The following MRPS27 variants were observed in gnomAD, a reference collection of about 807,000 sequenced individuals.
MRPS27 encodes small ribosomal subunit protein mS27.
MRPS27 carries 43 observed loss-of-function variants against 48.9 expected under a neutral mutation model. The observed-to-expected ratio is 0.88, with a 90% CI of 0.69 to 1.13. The LOEUF (loss-of-function observed/expected upper bound fraction) is 1.13. MRPS27 is among the 50% of genes most tolerant of loss of function. The pLI is 0.00. For missense variants in MRPS27, 467 were observed against 476.3 expected (o/e 0.98, Z 0.18); for synonymous variants, 188 against 171.9 (o/e 1.09, Z -0.73).
intron 4 of MRPS27, among the ~76,000 whole-genome samples, chr5:72,279,698 A>C (rs565190756): frequency 1.5e-3 from 235 of 152,290 alleles, no homozygotes; most frequent in African/African-American, 5.2e-3. Flanking sequence ...ACAAAACCCC[A>C]AAAACAATTA....
chr5:72,235,943 G>T (rs114780102), intron 5 of MRPS27, among the ~76,000 whole-genome samples: 2 of 152,112 alleles, frequency 1.3e-5, no homozygotes, highest in Admixed American at 6.6e-5. Flanking sequence ...ATACTATTCA[G>T]TAAGGCCATA....
intron 4 of MRPS27, among the ~76,000 whole-genome samples, chr5:72,243,758 T>C (rs902120825): frequency 1.3e-5 from 2 of 152,168 alleles, no homozygotes; most frequent in Non-Finnish European, 2.9e-5. Context: ...CAGATAAAAA[T>C]GTCTTTCTTT....
chr5:72,220,912 G>C lies in MRPS27; in HGVS notation c.1242C>G (p.Ala414=), dbSNP rs199795254. Residue 414 remains alanine, a synonymous_variant, in exon 11 of 11, where the codon GCC becomes GCG. Coordinates refer to ENST00000261413, the MANE Select transcript of MRPS27 (RefSeq NM_015084.3). Reference sequence around the variant, plus strand: ...GGTGGGGCCCTGGGGGACCCTATTAGGCAGATGCCTTTGCTGCTTTCTGAG... The same window carrying C: ...GGTGGGGCCCTGGGGGACCCTATTACGCAGATGCCTTTGCTGCTTTCTGAG... ...YQAQKAAKAS[A] 14 of 1,614,002 alleles carry C rather than the reference G, an allele frequency of 8.7e-6. No homozygotes were observed. Among genetic ancestry groups the C allele is most frequent in the Middle Eastern group, 1.6e-4 (1 of 6,078 alleles).
intron 3 of MRPS27, 71 bp from the exon 4 acceptor site, chr5:72,295,660 A>G (rs1749958780): frequency 8.6e-7 from 1 of 1,158,156 alleles, no homozygotes; most frequent in East Asian, 2.4e-5. Context: ...GGCCTAGATC[A>G]CACATTGACC....
intron 4 of MRPS27, among the ~76,000 whole-genome samples, chr5:72,258,204 C>T (rs1022896417): frequency 6.6e-6 from 1 of 151,892 alleles, no homozygotes; most frequent in Non-Finnish European, 1.5e-5. Flanking sequence ...CAAACAAATG[C>T]TCTGCCCAGG....
At chr5:72,277,264 G>T (rs1749401765) in intron 4 of MRPS27, among the ~76,000 whole-genome samples, 1 of 152,084 alleles carries the variant, frequency 6.6e-6, no homozygotes, top group Non-Finnish European at 1.5e-5. Flanking sequence ...CACTGTTGAT[G>T]GGAATATAAA....
chr5:72,306,287 A>C (rs2112079129), intron 2 of MRPS27, among the ~76,000 whole-genome samples: 1 of 152,382 alleles, frequency 6.6e-6, no homozygotes, highest in South Asian at 2.1e-4. Flanking sequence ...TGAAATAACA[A>C]ATCTAAGTAA....
At chr5:72,284,875 C>T (rs1749631149) in intron 4 of MRPS27, among the ~76,000 whole-genome samples, 1 of 152,150 alleles carries the variant, frequency 6.6e-6, no homozygotes, top group African/African-American at 2.4e-5. Context: ...CACTGTACAG[C>T]TGTAGAATAA....
At chr5:72,272,332 T>A (rs545271395) in intron 4 of MRPS27, among the ~76,000 whole-genome samples, 29 of 152,230 alleles carry the variant, frequency 1.9e-4, no homozygotes, top group Non-Finnish European at 3.8e-4. Context: ...TTCCCACCAT[T>A]CCTTAAAACT....
At chr5:72,296,097 T>C (rs1366020189) in intron 3 of MRPS27, among the ~76,000 whole-genome samples, 1 of 152,202 alleles carries the variant, frequency 6.6e-6, no homozygotes, top group East Asian at 1.9e-4. Flanking sequence ...AGTAAACCTA[T>C]GATTCCTTTA....
chr5:72,224,112 C>T (rs983712307), intron 9 of MRPS27, among the ~76,000 whole-genome samples: 4 of 151,878 alleles, frequency 2.6e-5, no homozygotes, highest in Non-Finnish European at 4.4e-5. Flanking sequence ...CCTGTAATTT[C>T]AGCACTTTGG....
intron 4 of MRPS27, among the ~76,000 whole-genome samples, chr5:72,244,898 T>C (rs555203744): frequency 2.0e-5 from 3 of 152,102 alleles, no homozygotes; most frequent in Non-Finnish European, 4.4e-5. Flanking sequence ...TCTCTTACTT[T>C]CATGGTACAT....
chr5:72,240,945 C>T (rs1243957182), intron 4 of MRPS27, among the ~76,000 whole-genome samples: 6 of 152,238 alleles, frequency 3.9e-5, no homozygotes, highest in African/African-American at 1.4e-4. Flanking sequence ...TCTACTCCCT[C>T]TCCTATCCTG....
intron 4 of MRPS27, among the ~76,000 whole-genome samples, chr5:72,282,420 T>C (rs967840945): frequency 2.0e-5 from 3 of 152,150 alleles, no homozygotes; most frequent in Non-Finnish European, 4.4e-5. Flanking sequence ...ATATAATAAA[T>C]ATAAAACTAT....
chr5:72,234,465 C>G (rs1677484625), intron 5 of MRPS27, among the ~76,000 whole-genome samples: 1 of 151,630 alleles, frequency 6.6e-6, no homozygotes, highest in South Asian at 2.1e-4. Context: ...AACACCTCAT[C>G]ATAGCTTAAA....
intron 4 of MRPS27, among the ~76,000 whole-genome samples, chr5:72,274,015 A>G (rs1246809320): frequency 1.3e-5 from 2 of 152,170 alleles, no homozygotes; most frequent in African/African-American, 4.8e-5. Flanking sequence ...TTCTACTTTT[A>G]ATTTTTTTTA....
Position 72,295,453 on chromosome 5 carries a change from C to T in MRPS27, c.281+78G>A. Reference sequence around the variant, plus strand: ...AAACTTAGAAGGTGTCAAAATTATACACAACATATACCAACTTTTATGTAA... The same window carrying T: ...AAACTTAGAAGGTGTCAAAATTATATACAACATATACCAACTTTTATGTAA... On this transcript the variant is annotated intron_variant, in intron 4 of 10. Coordinates refer to ENST00000261413, the MANE Select transcript of MRPS27 (RefSeq NM_015084.3). 5.6e-6 allele frequency: 6 copies of T among 1,069,130 alleles called. No homozygotes were observed. The South Asian group carries it at 7.1e-5, about 13-fold the overall frequency. 66.2% of individuals were successfully genotyped at this position (1,069,130 alleles called of 1,614,324 possible).
At chr5:72,295,287 A>G (rs1294196776) in intron 4 of MRPS27, 5 of 363,138 alleles carry the variant, frequency 1.4e-5, no homozygotes, top group Non-Finnish European at 2.5e-5. Flanking sequence ...ATAACATCGT[A>G]TACAATACAA....
chr5:72,280,354 T>C (rs1335772161), intron 4 of MRPS27, among the ~76,000 whole-genome samples: 2 of 152,196 alleles, frequency 1.3e-5, no homozygotes, highest in African/African-American at 4.8e-5. Context: ...AAGATATACT[T>C]AAAAGACTGG....
Sources: gnomAD v4.1 joint callset for allele counts (sites outside exome capture counted in the v4.1 genomes callset) on GRCh38, gnomAD v4.1.1 for gene constraint, MANE v1.5 for transcripts, NCBI Gene and HGNC (gene_info 2026-07-23, HGNC 2026-07-21) for gene names.